Variants in BMAL1 observed in about 807,000 individuals in gnomAD.
The protein encoded by BMAL1 is basic helix-loop-helix ARNT-like protein 1.
the BMAL1 span, among the ~76,000 whole-genome samples, chr11:13,290,559 A>ATGTTGT: frequency 2.8e-4 from 42 of 149,056 alleles, no homozygotes; most frequent in East Asian, 2.2e-3. Context: ...ACAAGTGTAT[A>ATGTTGT]TATTATTATT....
chr11:13,303,906 G>A, the BMAL1 span, among the ~76,000 whole-genome samples: 6 of 152,192 alleles, frequency 3.9e-5, no homozygotes, highest in Non-Finnish European at 5.9e-5. Flanking sequence ...GTGTTGCAGC[G>A]AGTGAGGTGA....
the BMAL1 span, chr11:13,357,023 T>C: frequency 1.2e-6 from 2 of 1,614,150 alleles, no homozygotes; most frequent in East Asian, 2.2e-5. The surrounding 1 kb of genome is among the most constrained non-coding windows in gnomAD (Gnocchi z 4.8). Context: ...CAGAGAATTA[T>C]GTTTTTATCT....
At chr11:13,328,349 T>C in the BMAL1 span, among the ~76,000 whole-genome samples, 24 of 152,344 alleles carry the variant, frequency 1.6e-4, 1 homozygote, top group Admixed American at 6.5e-4. Context: ...ATGCTTGTTT[T>C]TTTTCCTTCC....
At chr11:13,314,941 A>G in the BMAL1 span, among the ~76,000 whole-genome samples, 3 of 152,164 alleles carry the variant, frequency 2.0e-5, no homozygotes, top group Non-Finnish European at 4.4e-5. Context: ...AGCTAGCACA[A>G]TGCACCTAGC....
At chr11:13,313,740 G>A in the BMAL1 span, among the ~76,000 whole-genome samples, 2 of 152,026 alleles carry the variant, frequency 1.3e-5, no homozygotes, top group African/African-American at 4.8e-5. Context: ...CTATCAACGT[G>A]ATCTTTCTAA....
the BMAL1 span, among the ~76,000 whole-genome samples, chr11:13,331,990 G>T: frequency 6.6e-6 from 1 of 152,216 alleles, no homozygotes; most frequent in Admixed American, 6.5e-5. Flanking sequence ...GGCTGTAGCG[G>T]CTAGCATGGA....
At chr11:13,311,426 G>A in the BMAL1 span, among the ~76,000 whole-genome samples, 28 of 152,144 alleles carry the variant, frequency 1.8e-4, no homozygotes. Context: ...GGACCTGAAG[G>A]GAGGCTGCTG....
the BMAL1 span, among the ~76,000 whole-genome samples, chr11:13,284,100 G>A: frequency 1.1e-5 from 1 of 87,470 alleles, no homozygotes; most frequent in Non-Finnish European, 2.6e-5. Context: ...GTGTGTGTGT[G>A]TGTGTGTGTG....
chr11:13,334,782 G>T, the BMAL1 span, among the ~76,000 whole-genome samples: 1 of 152,204 alleles, frequency 6.6e-6, no homozygotes, highest in South Asian at 2.1e-4. Context: ...CTCCTGAAAT[G>T]ATCCCTGGTG....
chr11:13,283,709 T>G, the BMAL1 span, among the ~76,000 whole-genome samples: 1 of 152,106 alleles, frequency 6.6e-6, no homozygotes. Context: ...TGAGCCTCTT[T>G]TAGAGCGGAG....
the BMAL1 span, chr11:13,381,140 T>C: frequency 6.2e-7 from 1 of 1,611,412 alleles, no homozygotes. Context: ...GAAAAGGCAG[T>C]GTAATTCTCT....
At chr11:13,286,569 A>G in the BMAL1 span, among the ~76,000 whole-genome samples, 1 of 152,200 alleles carries the variant, frequency 6.6e-6, no homozygotes, top group Non-Finnish European at 1.5e-5. Context: ...CCTGCCCTCA[A>G]ATGGCTGCCT....
the BMAL1 span, among the ~76,000 whole-genome samples, chr11:13,378,163 C>A: frequency 2.0e-5 from 3 of 152,178 alleles, no homozygotes; most frequent in South Asian, 4.1e-4. Context: ...GAAACTTGAG[C>A]CTTTCCCTGC....
At chr11:13,346,749 C>T in the BMAL1 span, among the ~76,000 whole-genome samples, 1 of 152,178 alleles carries the variant, frequency 6.6e-6, no homozygotes, top group Non-Finnish European at 1.5e-5. Flanking sequence ...CTCCATCTCA[C>T]CTTTGGGACT....
chr11:13,344,079 A>G, the BMAL1 span, among the ~76,000 whole-genome samples: 1 of 152,134 alleles, frequency 6.6e-6, no homozygotes, highest in African/African-American at 2.4e-5. Flanking sequence ...GTACCACTGC[A>G]TATAGTGCTG....
At chr11:13,377,942 T>C in the BMAL1 span, among the ~76,000 whole-genome samples, 1 of 152,236 alleles carries the variant, frequency 6.6e-6, no homozygotes, top group African/African-American at 2.4e-5. Flanking sequence ...GTTGGTTGCC[T>C]CGTGCTTGCC....
At chr11:13,289,615 A>G in the BMAL1 span, among the ~76,000 whole-genome samples, 2 of 152,200 alleles carry the variant, frequency 1.3e-5, no homozygotes, top group East Asian at 3.9e-4. Flanking sequence ...TCCCACCTAT[A>G]AGTGAGAACA....
the BMAL1 span, among the ~76,000 whole-genome samples, chr11:13,291,314 A>G: frequency 3.9e-5 from 6 of 152,346 alleles, no homozygotes; most frequent in South Asian, 1.0e-3. Context: ...TATAGTTGCA[A>G]AGAAGACTGG....
the BMAL1 span, among the ~76,000 whole-genome samples, chr11:13,345,674 G>A: frequency 2.0e-5 from 3 of 152,140 alleles, no homozygotes; most frequent in Non-Finnish European, 4.4e-5. Context: ...ATCCCCACTT[G>A]CTAGCTGTGT....
Sources: gnomAD v4.1 joint callset for allele counts (sites outside exome capture counted in the v4.1 genomes callset) on GRCh38, gnomAD v4.1.1 for gene constraint, Gnocchi (gnomAD v3.1) non-coding constraint, MANE v1.5 for transcripts, NCBI Gene and HGNC (gene_info 2026-07-23, HGNC 2026-07-21) for gene names.